Variants in ZNF709 observed in about 807,000 individuals in gnomAD.
The protein encoded by ZNF709 is zinc finger protein 709.
Under a neutral mutation model 10.6 loss-of-function variants are expected in ZNF709, and 15 were observed. The observed-to-expected ratio is 1.41, with a 90% CI of 0.95 to 2.18. The LOEUF (loss-of-function observed/expected upper bound fraction) is 2.18. Among genes scored for constraint, ZNF709 ranks in the 30% most tolerant of loss-of-function variants. The probability of loss-of-function intolerance (pLI) is 0.00; values close to 1 mark genes in which losing one functional copy is unlikely to be tolerated. For synonymous variants in ZNF709, 194 were observed against 238.8 expected, an observed-to-expected ratio of 0.81 and a Z score of 1.73; for missense variants, 589 against 774.0, an observed-to-expected ratio of 0.76 and a Z score of 2.84.
In ZNF709 at chr19:12,467,384, C is replaced by T. The variant is rs538751096; in HGVS notation, c.4-534G>A. On this transcript the variant is annotated intron_variant, in intron 1 of 3. Transcript: ENST00000397732. ...TCTCCAGCTCCTAACCATGAGTGAT[C>T]TGCCAGCCTCGGCCTCCCGAGGTGC... Among the ~76,000 whole-genome samples the T allele has an allele frequency of 8.5e-4, 129 of 152,368 alleles. 1 individual carries two copies. Among genetic ancestry groups the T allele is most frequent in the Non-Finnish European group, 4.3e-4 (29 of 68,036 alleles).
rs2144984851 is a variant in ZNF709, at chr19:12,464,450, A to C, written c.1472T>G (p.Phe491Cys). The part of the protein sequence containing the change: ...CGKAFSFSSS[F>C]RMHERTHTGE... ...AGTGTGAGTCCTTTCATGCATCCGA[A>C]AGGAACTAGAAAAACTAAAGGCTTT... The change falls in exon 4 of 4, where the codon TTT becomes TGT. Residue 491 changes from phenylalanine (F) to cysteine (C), a missense_variant. Coordinates refer to ENST00000397732, the MANE Select transcript of ZNF709 (RefSeq NM_152601.4). 2 of 1,612,144 alleles carry C rather than the reference A, an allele frequency of 1.2e-6. No individual in the cohort carries two copies. Among genetic ancestry groups the C allele is most frequent in the Middle Eastern group, 1.7e-4 (1 of 6,048 alleles).
intron 1 of ZNF709, among the ~76,000 whole-genome samples, chr19:12,484,416 C>A (rs894853948): frequency 7.2e-5 from 11 of 152,318 alleles, no homozygotes; most frequent in East Asian, 1.9e-4. Flanking sequence ...CCAGAGAGGG[C>A]TCCGGGACTG....
At chr19:12,479,030 CAGT>C (rs573651754) in intron 1 of ZNF709, among the ~76,000 whole-genome samples, 168 of 152,306 alleles carry the variant, frequency 1.1e-3, no homozygotes, top group African/African-American at 4.0e-3. Flanking sequence ...AGGCCAGGCA[CAGT>C]GGTTTATACC....
In ZNF709 at chr19:12,461,446, C is replaced by A. The variant is rs537476024; in HGVS notation, c.*2550G>T. 1 of 152,162 alleles carries A rather than the reference C, an allele frequency of 6.6e-6. No individual in the cohort carries two copies. The highest frequency in any genetic ancestry group is 1.9e-4 in the East Asian group (1 of 5,150). The allele number at this position is 152,162 out of a possible 1,614,324, so 9.4% of individuals were successfully genotyped here. ...AGGTGCTTATTCTTACACTGTAGGA[C>A]TGGGTAAGTGCATTCCCTGCACAGT... On this transcript the variant is annotated 3_prime_UTR_variant, in exon 4 of 4. Transcript: ENST00000397732.
intron 1 of ZNF709, among the ~76,000 whole-genome samples, chr19:12,483,237 C>T (rs1164296070): frequency 6.6e-6 from 1 of 151,822 alleles, no homozygotes; most frequent in South Asian, 2.1e-4. Context: ...ACTTCCCAGG[C>T]TCAAGCAATC....
intron 3 of ZNF709, 72 bp from the exon 4 acceptor site, chr19:12,465,805 T>TGTGAA: frequency 8.3e-7 from 1 of 1,209,742 alleles, no homozygotes; most frequent in Non-Finnish European, 1.1e-6. Context: ...AATTATTGAT[T>TGTGAA]ATTTCACAAT....
intron 1 of ZNF709, among the ~76,000 whole-genome samples, chr19:12,483,338 G>A (rs924655417): frequency 2.3e-5 from 3 of 133,178 alleles, no homozygotes; most frequent in Non-Finnish European, 4.7e-5. Context: ...TTTTCTAGTA[G>A]AGATGAGGTC....
intron 1 of ZNF709, among the ~76,000 whole-genome samples, chr19:12,476,858 T>A (rs553404297): frequency 8.0e-5 from 12 of 150,186 alleles, no homozygotes; most frequent in African/African-American, 2.9e-4. Flanking sequence ...GTAAGCTCTA[T>A]TTTTTTTTTC....
chr19:12,471,268 T>A (rs1970632860), intron 1 of ZNF709, among the ~76,000 whole-genome samples: 1 of 152,174 alleles, frequency 6.6e-6, no homozygotes, highest in Non-Finnish European at 1.5e-5. Context: ...ATCCTAATTT[T>A]AAAAATGTTA....
At position 12,465,554 on chromosome 19, in the gene ZNF709, G is replaced by A. The variant is rs947999836; in HGVS notation, c.368C>T (p.Ser123Phe). The change falls in exon 4 of 4, where the codon TCT becomes TTT. Residue 123 changes from serine (S) to phenylalanine (F), a missense_variant. Around this residue, in one of 2 missense-constraint regions of ZNF709, gnomAD observed 418 missense variants for 496.3 expected, o/e 0.84. Coordinates refer to ENST00000397732, the MANE Select transcript of ZNF709 (RefSeq NM_152601.4). ...CHSSLNRHMRSHTEHRSYEYH... is the reference protein window; with the variant it reads ...CHSSLNRHMRFHTEHRSYEYH... ...TTCATATGATCTATGTTCAGTATGA[G>A]ATCTCATGTGCCTATTAAGAGATGA... 10 of 1,613,712 alleles carry A rather than the reference G, an allele frequency of 6.2e-6. No homozygotes were observed. In the African/African-American group the frequency reaches 1.1e-4, roughly 17 times the overall value.
rs1484827970 is a variant in ZNF709 at position 12,475,119 on chromosome 19, A to G, written c.4-8269T>C. Among the ~76,000 whole-genome samples the G allele has an allele frequency of 2.0e-5, 3 of 152,038 alleles. No homozygotes were observed. The East Asian group carries it at 5.8e-4, about 29-fold the overall frequency. ...CTAAAAATACAAAAATTAGCCGGGC[A>G]TGGTGGTGGGCACCTGTAGTCCCAG... On this transcript the variant is annotated intron_variant, in intron 1 of 3. Coordinates refer to ENST00000397732, the MANE Select transcript of ZNF709 (RefSeq NM_152601.4).
At chr19:12,471,000 T>G (rs1300953926) in intron 1 of ZNF709, among the ~76,000 whole-genome samples, 1 of 151,908 alleles carries the variant, frequency 6.6e-6, no homozygotes, top group Non-Finnish European at 1.5e-5. Context: ...ATTGAACTCC[T>G]TTTTTCCTTC....
At chr19:12,480,480 A>G (rs910025362) in intron 1 of ZNF709, among the ~76,000 whole-genome samples, 20 of 152,076 alleles carry the variant, frequency 1.3e-4, no homozygotes, top group Admixed American at 3.3e-4. Flanking sequence ...TCAGGAGATC[A>G]AGACCATCCT....
In ZNF709 at chr19:12,463,107, C is replaced by T. The variant is rs922612215; in HGVS notation, c.*889G>A. On this transcript the variant is annotated 3_prime_UTR_variant, in exon 4 of 4. Transcript: ENST00000397732. ...CTTTCCCATATTATCTACATTTATA[C>T]AGTACCTCCCTAGTGGGAGTTTCAA... 6 of 152,244 alleles carry T rather than the reference C, an allele frequency of 3.9e-5. No individual in the cohort carries two copies. The East Asian group carries it at 5.8e-4, about 15-fold the overall frequency. 9.4% of individuals were successfully genotyped at this position (152,244 alleles called of 1,614,324 possible).
intron 1 of ZNF709, among the ~76,000 whole-genome samples, chr19:12,468,025 G>T (rs568234275): frequency 6.0e-5 from 9 of 148,938 alleles, no homozygotes; most frequent in Non-Finnish European, 1.3e-4. Context: ...GGAGGGAGGT[G>T]GGGGGTCAGC....
At chr19:12,474,479 A>G (rs966329104) in intron 1 of ZNF709, among the ~76,000 whole-genome samples, 6 of 152,234 alleles carry the variant, frequency 3.9e-5, no homozygotes, top group Non-Finnish European at 5.9e-5. Flanking sequence ...CAATGATGCA[A>G]TGAACATGGG....
chr19:12,483,576 G>A lies in ZNF709; in HGVS notation c.3+1079C>T, dbSNP rs528427824. Among the ~76,000 whole-genome samples, 11 of 151,370 alleles carry A rather than the reference G, an allele frequency of 7.3e-5. No individual in the cohort carries two copies. In the East Asian group the frequency reaches 1.7e-3, roughly 24 times the overall value. Reference sequence around the variant, plus strand: ...TTTTGAGACAGAGTCTCACTCTGTCGCCGAGGCTGTAGTGCAGTGGCGCAA... The same window carrying A: ...TTTTGAGACAGAGTCTCACTCTGTCACCGAGGCTGTAGTGCAGTGGCGCAA... On this transcript the variant is annotated intron_variant, in intron 1 of 3. Coordinates refer to ENST00000397732, the MANE Select transcript of ZNF709 (RefSeq NM_152601.4).
chr19:12,483,636 C>T (rs1179211721), intron 1 of ZNF709, among the ~76,000 whole-genome samples: 1 of 152,004 alleles, frequency 6.6e-6, no homozygotes, highest in Non-Finnish European at 1.5e-5. Context: ...CTCCCGGGTT[C>T]AAGTGATTCT....
At position 12,461,465 on chromosome 19, in the gene ZNF709, G is replaced by A. The variant is rs780781136; in HGVS notation, c.*2531C>T. 6.6e-6 allele frequency: 1 copy of A among 152,046 alleles called. No individual in the cohort carries two copies. The highest frequency in any genetic ancestry group is 2.4e-5 in the African/African-American group (1 of 41,416). The allele number at this position is 152,046 out of a possible 1,614,324, so 9.4% of individuals were successfully genotyped here. A position where few individuals can be genotyped will look rare whatever the true frequency, so the allele number is the denominator to read the frequency against. On this transcript the variant is annotated 3_prime_UTR_variant, in exon 4 of 4. Transcript: ENST00000397732. ...GTAGGACTGGGTAAGTGCATTCCCT[G>A]CACAGTGCAGTGGAGAAGCAGACAC...
Sources: gnomAD v4.1 joint callset for allele counts (sites outside exome capture counted in the v4.1 genomes callset) on GRCh38, gnomAD v4.1.1 for gene constraint, gnomAD v4.1.1 regional missense constraint, MANE v1.5 for transcripts, NCBI Gene and HGNC (gene_info 2026-07-23, HGNC 2026-07-21) for gene names.